NAALADL2: variants seen among roughly 807,000 people sequenced by gnomAD.
The protein encoded by NAALADL2 is inactive N-acetylated-alpha-linked acidic dipeptidase-like protein 2.
Under a neutral mutation model 87.2 loss-of-function variants are expected in NAALADL2, and 76 were observed. The observed-to-expected ratio is 0.87, with a 90% CI of 0.72 to 1.05. The LOEUF is 1.05. Among genes scored for constraint, NAALADL2 ranks in the 50% least tolerant of loss-of-function variants. The pLI is 0.00. For synonymous variants in NAALADL2, 354 were observed against 331.0 expected, an observed-to-expected ratio of 1.07 and a Z score of -0.75; for missense variants, 1,089 against 945.8, an observed-to-expected ratio of 1.15 and a Z score of -1.99.
intron 2 of NAALADL2, among the ~76,000 whole-genome samples, chr3:174,612,843 A>G (rs1720065709): frequency 6.6e-6 from 1 of 152,228 alleles, no homozygotes; most frequent in East Asian, 1.9e-4. Context: ...GATGATCATG[A>G]TACTTTTAAA....
chr3:174,743,752 T>G (rs190106731), intron 3 of NAALADL2, among the ~76,000 whole-genome samples: 1 of 152,034 alleles, frequency 6.6e-6, no homozygotes, highest in East Asian at 1.9e-4. Flanking sequence ...TTGACACCTT[T>G]TCTACAGCCA....
At chr3:175,181,767 GTGTGTATATA>G (rs1736581919) in intron 2 of NAALADL2, among the ~76,000 whole-genome samples, 1 of 121,044 alleles carries the variant, frequency 8.3e-6, no homozygotes, top group Non-Finnish European at 1.7e-5. Context: ...GTGTATATAT[GTGTGTATATA>G]TGTATATATA....
In NAALADL2 at chr3:175,698,865, A is replaced by G. The variant is rs538118957; in HGVS notation, c.1897-38441A>G. ...TTTATTTGAACATTATTTCAAATACATACTATCCTACAGCATGATAGAAAT... is the reference window on the plus strand; with the variant it reads ...TTTATTTGAACATTATTTCAAATACGTACTATCCTACAGCATGATAGAAAT... On this transcript the variant is annotated intron_variant, in intron 11 of 13. Coordinates refer to ENST00000454872, the MANE Select transcript of NAALADL2 (RefSeq NM_207015.3). Among the ~76,000 whole-genome samples, 562 of 152,038 alleles carry G rather than the reference A, an allele frequency of 3.7e-3. 3 individuals are homozygous for G. The highest frequency in any genetic ancestry group is 5.1e-3 in the Non-Finnish European group (349 of 67,848).
At chr3:175,271,756 C>T (rs541301098) in intron 4 of NAALADL2, among the ~76,000 whole-genome samples, 1 of 152,334 alleles carries the variant, frequency 6.6e-6, no homozygotes, top group East Asian at 1.9e-4. Flanking sequence ...GGTCGTGCCA[C>T]TGCACTCCTG....
chr3:174,965,583 A>G (rs535194607), intron 1 of NAALADL2, among the ~76,000 whole-genome samples: 3 of 152,298 alleles, frequency 2.0e-5, no homozygotes, highest in African/African-American at 4.8e-5. Context: ...AATTAGATAT[A>G]CAATGAAATA....
chr3:175,604,039 C>T (rs1415474526), intron 10 of NAALADL2, among the ~76,000 whole-genome samples: 1 of 152,034 alleles, frequency 6.6e-6, no homozygotes, highest in African/African-American at 2.4e-5. Flanking sequence ...ACCCTACTTT[C>T]AGTTCTTTGG....
At chr3:175,266,464 C>T (rs901148326) in intron 4 of NAALADL2, among the ~76,000 whole-genome samples, 8 of 151,386 alleles carry the variant, frequency 5.3e-5, no homozygotes, top group Non-Finnish European at 7.4e-5. Context: ...CCAGAAAATC[C>T]TTTAGATAAA....
chr3:174,773,618 A>G (rs1018593565), intron 3 of NAALADL2, among the ~76,000 whole-genome samples: 3 of 152,160 alleles, frequency 2.0e-5, no homozygotes, highest in African/African-American at 7.2e-5. Flanking sequence ...GTTCCAGAGA[A>G]TAAATGTCTA....
At chr3:174,764,670 T>A (rs1325828823) in intron 3 of NAALADL2, among the ~76,000 whole-genome samples, 2 of 152,180 alleles carry the variant, frequency 1.3e-5, no homozygotes, top group Non-Finnish European at 2.9e-5. Context: ...CACACTGCTA[T>A]TTGAAGATCA....
At chr3:174,504,127 T>C (rs1719063964) in intron 1 of NAALADL2, among the ~76,000 whole-genome samples, 1 of 152,162 alleles carries the variant, frequency 6.6e-6, no homozygotes, top group South Asian at 2.1e-4. Context: ...TATGCAGCTA[T>C]TCTGTCAGTT....
intron 1 of NAALADL2, among the ~76,000 whole-genome samples, chr3:175,009,118 A>G (rs1436881377): frequency 6.6e-6 from 1 of 152,176 alleles, no homozygotes; most frequent in South Asian, 2.1e-4. Context: ...TTATTAAAAT[A>G]TAGCTTGTTG....
intron 2 of NAALADL2, among the ~76,000 whole-genome samples, chr3:174,732,373 A>G (rs912831473): frequency 2.0e-4 from 30 of 152,258 alleles, no homozygotes; most frequent in Non-Finnish European, 3.1e-4. Context: ...CAGAAAGGAC[A>G]AGGGAAAAGA....
At chr3:175,049,550 C>T (rs548140314) in intron 1 of NAALADL2, among the ~76,000 whole-genome samples, 1 of 152,270 alleles carries the variant, frequency 6.6e-6, no homozygotes, top group Admixed American at 6.5e-5. Context: ...CCTTTGTATC[C>T]CCTCTATTTG....
At chr3:174,924,071 TC>T (rs1735621105) in intron 1 of NAALADL2, among the ~76,000 whole-genome samples, 1 of 152,126 alleles carries the variant, frequency 6.6e-6, no homozygotes, top group Admixed American at 6.6e-5. Flanking sequence ...TACATGCTTT[TC>T]TTTTTTTATT....
At chr3:175,013,217 T>TTATA (rs1364995777) in intron 1 of NAALADL2, among the ~76,000 whole-genome samples, 4 of 120,502 alleles carry the variant, frequency 3.3e-5, no homozygotes, top group Non-Finnish European at 6.6e-5. Context: ...TAATATATAT[T>TTATA]TATATATAAA....
chr3:174,725,730 C>T (rs1732119211), intron 2 of NAALADL2, among the ~76,000 whole-genome samples: 1 of 152,132 alleles, frequency 6.6e-6, no homozygotes, highest in African/African-American at 2.4e-5. Context: ...AGAGGCATGA[C>T]AACATACATG....
chr3:175,317,801 AAAT>A (rs1438519947), intron 4 of NAALADL2, among the ~76,000 whole-genome samples: 2 of 152,208 alleles, frequency 1.3e-5, no homozygotes. Context: ...GCTTAAAAAG[AAAT>A]AATGTTAATT....
intron 5 of NAALADL2, among the ~76,000 whole-genome samples, chr3:175,431,773 TTA>T (rs1174402007): frequency 1.3e-5 from 2 of 152,206 alleles, no homozygotes; most frequent in Admixed American, 6.6e-5. Context: ...CTAAATATAA[TTA>T]TTTAAAATAT....
At chr3:175,622,260 T>C (rs928986001) in intron 10 of NAALADL2, among the ~76,000 whole-genome samples, 1 of 152,150 alleles carries the variant, frequency 6.6e-6, no homozygotes, top group African/African-American at 2.4e-5. Flanking sequence ...ACTCATCTAG[T>C]TGAGCCTTGG....
Sources: allele counts gnomAD v4.1 joint callset (sites outside exome capture counted in the v4.1 genomes callset), GRCh38; gene constraint gnomAD v4.1.1; transcripts MANE v1.5; gene names NCBI Gene and HGNC (gene_info 2026-07-23, HGNC 2026-07-21).